MED15: variants seen among roughly 807,000 people sequenced by gnomAD.
The protein encoded by MED15 is mediator of RNA polymerase II transcription subunit 15.
MED15 carries 41 observed loss-of-function variants against 118.7 expected under a neutral mutation model. The observed-to-expected ratio is 0.35, with a 90% CI of 0.27 to 0.45. The LOEUF is 0.45. Among genes scored for constraint, MED15 ranks in the 20% least tolerant of loss-of-function variants. The pLI is 1.00. For missense variants in MED15, 740 were observed against 1,025.5 expected (o/e 0.72, Z 3.80); for synonymous variants, 436 against 413.9 (o/e 1.05, Z -0.65).
At position 20,566,459 on chromosome 22, in the gene MED15, G is replaced by A; in HGVS notation, c.691-8G>A. On this transcript the variant is annotated splice_polypyrimidine_tract_variant and splice_region_variant and intron_variant, in intron 6 of 17. Transcript: ENST00000263205. Reference sequence around the variant, plus strand: ...GTGATAACCGAGTGCTGCTTGTTCTGTCTCTAGATACAGCAGCAGCAACAG... The same window carrying A: ...GTGATAACCGAGTGCTGCTTGTTCTATCTCTAGATACAGCAGCAGCAACAG... 3 of 1,611,410 alleles carry A rather than the reference G, an allele frequency of 1.9e-6. No individual in the cohort carries two copies. The highest frequency in any genetic ancestry group is 2.5e-6 in the Non-Finnish European group (3 of 1,179,910).
chr22:20,568,537 T>TGGTGCAGCAGCCCCCAGTGCAGCCCCA lies in MED15; in HGVS notation c.1070_1096dup (p.Pro357_Gln365dup), dbSNP rs745974008. The TGGTGCAGCAGCCCCCAGTGCAGCCCCA allele has an allele frequency of 9.9e-6, 16 of 1,613,494 alleles. No homozygotes were observed. In the Admixed American group the frequency reaches 2.7e-4, roughly 27 times the overall value. ...TCCCTCAAGGTCCGAGCTCCGATGG[T>TGGTGCAGCAGCCCCCAGTGCAGCCCCA]GGTGCAGCAGCCCCCAGTGCAGCCC... On this transcript the variant is annotated inframe_insertion, in exon 8 of 18. Transcript: ENST00000263205.
At chr22:20,529,393 G>A (rs1461280943) in intron 1 of MED15, among the ~76,000 whole-genome samples, 4 of 149,616 alleles carry the variant, frequency 2.7e-5, no homozygotes, top group South Asian at 2.1e-4. Flanking sequence ...GATTATGGCC[G>A]CACACCACCA....
chr22:20,547,957 G>A (rs1195731556), intron 2 of MED15, among the ~76,000 whole-genome samples: 3 of 152,142 alleles, frequency 2.0e-5, no homozygotes, highest in African/African-American at 4.8e-5. Flanking sequence ...CGATGATCGC[G>A]TCACTGCACT....
intron 6 of MED15, 88 bp downstream of exon 6, chr22:20,564,776 C>T (rs1053550767): frequency 6.3e-5 from 100 of 1,576,244 alleles, no homozygotes; most frequent in African/African-American, 2.0e-4. Flanking sequence ...GTGCAGTGCC[C>T]GGAGCCAGCC....
At chr22:20,583,534 T>G (rs2057050116) in intron 13 of MED15, 141 bp downstream of exon 13, 7 of 967,802 alleles carry the variant, frequency 7.2e-6, no homozygotes, top group Non-Finnish European at 1.1e-5. Context: ...AAGGCTCCAC[T>G]CTGGTGTGTG....
chr22:20,507,785 CT>C, intron 1 of MED15, 39 bp downstream of exon 1: 1 of 1,613,046 alleles, frequency 6.2e-7, no homozygotes, highest in South Asian at 1.1e-5. Flanking sequence ...ATTGTGGGAC[CT>C]TCCTCCTTAG....
chr22:20,521,687 C>T (rs1191741415), intron 1 of MED15, among the ~76,000 whole-genome samples: 3 of 145,418 alleles, frequency 2.1e-5, no homozygotes, highest in Non-Finnish European at 3.0e-5. Context: ...TGAGCCACTG[C>T]GCCTGGCCTT....
chr22:20,513,889 A>C (rs1443169981), intron 1 of MED15, among the ~76,000 whole-genome samples: 3 of 152,116 alleles, frequency 2.0e-5, no homozygotes, highest in Admixed American at 2.0e-4. Flanking sequence ...TTTGAAACAG[A>C]ATCTTGCTCT....
intron 6 of MED15, 75 bp downstream of exon 6, chr22:20,564,763 T>C (rs979305043): frequency 6.3e-7 from 1 of 1,597,524 alleles, no homozygotes; most frequent in Admixed American, 1.7e-5. Flanking sequence ...GCCACAATGC[T>C]GGGTGCAGTG....
intron 9 of MED15, among the ~76,000 whole-genome samples, chr22:20,579,997 C>T (rs2056932358): frequency 6.6e-6 from 1 of 152,136 alleles, no homozygotes; most frequent in Non-Finnish European, 1.5e-5. Context: ...TGCTTCTCAT[C>T]CCAGGTGCTG....
At chr22:20,572,048 C>A (rs929417292) in intron 8 of MED15, among the ~76,000 whole-genome samples, 1 of 152,202 alleles carries the variant, frequency 6.6e-6, no homozygotes, top group Non-Finnish European at 1.5e-5. Flanking sequence ...TGTCTCTTGC[C>A]ATCCTCAGTT....
Position 20,586,553 on chromosome 22 carries a change from A to C in MED15, c.2231-15A>C. 1 of 1,610,636 alleles carries C rather than the reference A, an allele frequency of 6.2e-7. No homozygotes were observed. The highest frequency in any genetic ancestry group is 8.5e-7 in the Non-Finnish European group (1 of 1,178,422). Reference sequence around the variant, plus strand: ...CGCCGGCCGCCTTAGGTTCACGCCCACTGCTCTGTTGCAGACGCCAACCCC... The same window carrying C: ...CGCCGGCCGCCTTAGGTTCACGCCCCCTGCTCTGTTGCAGACGCCAACCCC... On this transcript the variant is annotated splice_polypyrimidine_tract_variant and intron_variant, in intron 17 of 17. Transcript: ENST00000263205.
At position 20,568,549 on chromosome 22, in the gene MED15, C is replaced by G. The variant is rs745827271; in HGVS notation, c.1070C>G (p.Pro357Arg). The change falls in exon 8 of 18, where the codon CCC becomes CGC. Residue 357 changes from proline to arginine, a missense_variant. Pro to Arg is a moderately radical substitution (Grantham distance 103). This residue lies in a region of MED15 where 384 missense variants were observed against 506.3 expected (regional missense o/e 0.76). Coordinates refer to ENST00000263205, the MANE Select transcript of MED15 (RefSeq NM_001003891.3). ...FVRAPMVVQQ[P>R]PVQPQVQQQQ... ...CGAGCTCCGATGGTGGTGCAGCAGC[C>G]CCCAGTGCAGCCCCAGGTGCAGCAG... 2 of 1,613,680 alleles carry G rather than the reference C, an allele frequency of 1.2e-6. No homozygotes were observed. The highest frequency in any genetic ancestry group is 1.7e-6 in the Non-Finnish European group (2 of 1,180,004).
At chr22:20,580,219 C>A (rs1284006409) in intron 9 of MED15, among the ~76,000 whole-genome samples, 1 of 152,140 alleles carries the variant, frequency 6.6e-6, no homozygotes, top group Non-Finnish European at 1.5e-5. Context: ...TGCTTGGAGG[C>A]CCCACGGGCG....
intron 1 of MED15, among the ~76,000 whole-genome samples, chr22:20,534,814 C>T (rs1037686474): frequency 4.6e-5 from 7 of 152,188 alleles, no homozygotes; most frequent in African/African-American, 1.7e-4. Flanking sequence ...AGTTGGTTGT[C>T]ATTATCCTCC....
chr22:20,560,360 G>A (rs1291088176), intron 5 of MED15, among the ~76,000 whole-genome samples: 1 of 152,074 alleles, frequency 6.6e-6, no homozygotes, highest in Non-Finnish European at 1.5e-5. Context: ...GACCTCCCAG[G>A]TTCAAGCGAT....
At chr22:20,563,513 C>T (rs1480695304) in intron 5 of MED15, among the ~76,000 whole-genome samples, 1 of 152,074 alleles carries the variant, frequency 6.6e-6, no homozygotes, top group Non-Finnish European at 1.5e-5. Flanking sequence ...CCAGAGTTTG[C>T]GGGTCAGGGT....
intron 1 of MED15, chr22:20,518,737 T>A (rs2054339338): frequency 5.4e-6 from 2 of 370,180 alleles, no homozygotes; most frequent in African/African-American, 4.3e-5. Context: ...GTGCTGGCTT[T>A]AATTAAAGCC....
intron 2 of MED15, among the ~76,000 whole-genome samples, chr22:20,550,358 T>C: frequency 6.6e-6 from 1 of 152,246 alleles, no homozygotes; most frequent in Non-Finnish European, 1.5e-5. Flanking sequence ...CCTGGGCCTT[T>C]CTTCTTCATG....
Sources: gnomAD v4.1 joint callset for allele counts (sites outside exome capture counted in the v4.1 genomes callset) on GRCh38, gnomAD v4.1.1 for gene constraint, gnomAD v4.1.1 regional missense constraint, MANE v1.5 for transcripts, NCBI Gene and HGNC (gene_info 2026-07-23, HGNC 2026-07-21) for gene names.